The following MAF variants were observed in gnomAD, a reference collection of about 807,000 sequenced individuals.
MAF encodes the protein MAF bZIP transcription factor, also known as transcription factor Maf.
Under a neutral mutation model 22.0 loss-of-function variants are expected in MAF, and 10 were observed. The ratio of observed to expected loss-of-function variants is 0.45; its 90% CI spans 0.28 to 0.77. The LOEUF (loss-of-function observed/expected upper bound fraction) is 0.77. Among genes scored for constraint, MAF ranks in the 30% least tolerant of loss-of-function variants. The pLI is 0.12. For missense variants in MAF, 544 were observed against 548.4 expected, an observed-to-expected ratio of 0.99 and a Z score of 0.08; for synonymous variants, 337 against 255.8, an observed-to-expected ratio of 1.32 and a Z score of -3.03.
chr16:79,575,471 G>C, the MAF span, among the ~76,000 whole-genome samples: 2 of 152,196 alleles, frequency 1.3e-5, no homozygotes, highest in African/African-American at 4.8e-5. Context: ...CTGGACAAGA[G>C]ATGAACACCT....
At chr16:79,372,691 T>C in the MAF span, among the ~76,000 whole-genome samples, 20 of 152,278 alleles carry the variant, frequency 1.3e-4, no homozygotes, top group African/African-American at 4.8e-4. Context: ...AGAAATTTCA[T>C]GTTTGACCTC....
the MAF span, among the ~76,000 whole-genome samples, chr16:79,250,529 T>C: frequency 1.3e-5 from 2 of 152,198 alleles, no homozygotes; most frequent in African/African-American, 4.8e-5. Flanking sequence ...TTCCATTATA[T>C]GGAGGGACTA....
the MAF span, among the ~76,000 whole-genome samples, chr16:79,429,371 T>C: frequency 6.6e-6 from 1 of 152,176 alleles, no homozygotes; most frequent in African/African-American, 2.4e-5. Flanking sequence ...TCTGCTCTTT[T>C]GTGTGCCTCC....
At chr16:79,465,586 C>A in the MAF span, among the ~76,000 whole-genome samples, 10 of 151,950 alleles carry the variant, frequency 6.6e-5, no homozygotes, top group Non-Finnish European at 1.5e-4. Context: ...GGTGACAGAG[C>A]GAGACCCTGT....
chr16:79,265,089 G>C, the MAF span, among the ~76,000 whole-genome samples: 2 of 152,052 alleles, frequency 1.3e-5, no homozygotes, highest in Admixed American at 6.5e-5. Context: ...TTCCTCATCT[G>C]CCATGGGAGG....
the MAF span, among the ~76,000 whole-genome samples, chr16:79,207,919 T>G: frequency 9.9e-5 from 15 of 152,194 alleles, no homozygotes; most frequent in Admixed American, 5.2e-4. Flanking sequence ...TGAATGTTGA[T>G]GAAAAGCAGC....
At chr16:79,340,225 A>G in the MAF span, among the ~76,000 whole-genome samples, 1 of 152,016 alleles carries the variant, frequency 6.6e-6, no homozygotes, top group East Asian at 2.0e-4. Flanking sequence ...TTAAGCAGAG[A>G]TAACAGGAGA....
chr16:79,241,582 G>A, the MAF span, among the ~76,000 whole-genome samples: 1 of 152,098 alleles, frequency 6.6e-6, no homozygotes, highest in Non-Finnish European at 1.5e-5. Flanking sequence ...GTACCTGAAA[G>A]TGACGGGGAG....
the MAF span, among the ~76,000 whole-genome samples, chr16:79,371,132 T>G: frequency 2.0e-5 from 1 of 49,338 alleles, no homozygotes; most frequent in African/African-American, 1.0e-4. Context: ...CATTCACATT[T>G]TTTTTTTTTT....
chr16:79,436,105 C>T, the MAF span, among the ~76,000 whole-genome samples: 2 of 152,196 alleles, frequency 1.3e-5, no homozygotes, highest in Admixed American at 1.3e-4. Context: ...TTATTTGAAA[C>T]AGAGTCTAGC....
the MAF span, among the ~76,000 whole-genome samples, chr16:79,376,260 T>G: frequency 6.6e-6 from 1 of 152,170 alleles, no homozygotes; most frequent in African/African-American, 2.4e-5. Flanking sequence ...GTTTTCTTAA[T>G]ATTGTTACAC....
At position 79,594,834 on chromosome 16, in the gene MAF, C is replaced by T. The variant is rs140480589; in HGVS notation, c.1119-281G>A. The T allele has an allele frequency of 2.1e-3, 2,570 of 1,240,648 alleles. 9 individuals are homozygous for T. Among genetic ancestry groups the T allele is most frequent in the Middle Eastern group, 6.9e-3 (21 of 3,042 alleles). The allele number at this position is 1,240,648 out of a possible 1,614,324, so 76.9% of individuals were successfully genotyped here. ...CTCTTACAGCCAGCCACTCAAACCT[C>T]ATTTTTGCCAGCACCTTTGCATTTG... On this transcript the variant is annotated intron_variant, in intron 1 of 1. Coordinates refer to ENST00000326043, the MANE Select transcript of MAF (RefSeq NM_005360.5).
At chr16:79,317,360 CCTCCTTTTCT>C in the MAF span, among the ~76,000 whole-genome samples, 3 of 146,852 alleles carry the variant, frequency 2.0e-5, no homozygotes, top group African/African-American at 7.6e-5. Context: ...TTCCTTCTTC[CCTCCTTTTCT>C]CCCTTCTTCC....
chr16:79,269,924 C>T, the MAF span, among the ~76,000 whole-genome samples: 1 of 152,166 alleles, frequency 6.6e-6, no homozygotes, highest in Non-Finnish European at 1.5e-5. Flanking sequence ...AATCCCAAAC[C>T]TAGAAGCAAG....
the MAF span, among the ~76,000 whole-genome samples, chr16:79,306,274 T>TC: frequency 6.6e-6 from 1 of 152,210 alleles, no homozygotes; most frequent in African/African-American, 2.4e-5. Context: ...ATGGCCATTT[T>TC]CCCATTCTAA....
intron 1 of MAF, among the ~76,000 whole-genome samples, chr16:79,586,758 C>G (rs907095336): frequency 6.6e-6 from 1 of 152,150 alleles, no homozygotes; most frequent in Non-Finnish European, 1.5e-5. Flanking sequence ...AATAACAAAG[C>G]AGACCTGTCA....
chr16:79,327,521 A>C, the MAF span, among the ~76,000 whole-genome samples: 3 of 152,238 alleles, frequency 2.0e-5, no homozygotes, highest in African/African-American at 7.2e-5. Flanking sequence ...CAAGGTATTG[A>C]TTTGACAAGG....
chr16:79,250,748 G>T, the MAF span, among the ~76,000 whole-genome samples: 1 of 152,182 alleles, frequency 6.6e-6, no homozygotes, highest in African/African-American at 2.4e-5. Flanking sequence ...ATTCGTTTGA[G>T]AAATCCGTTA....
chr16:79,305,946 G>A, the MAF span, among the ~76,000 whole-genome samples: 2 of 152,078 alleles, frequency 1.3e-5, no homozygotes, highest in Non-Finnish European at 1.5e-5. Flanking sequence ...TTAGACCCTG[G>A]GCTCCAGCAA....
Sources: allele counts gnomAD v4.1 joint callset (sites outside exome capture counted in the v4.1 genomes callset), GRCh38; gene constraint gnomAD v4.1.1; transcripts MANE v1.5; gene names NCBI Gene and HGNC (gene_info 2026-07-23, HGNC 2026-07-21).